Variants in SETBP1 observed in about 807,000 individuals in gnomAD.
SETBP1 encodes the protein SET-binding protein.
In SETBP1, 9 loss-of-function variants were observed where a neutral mutation model predicts 101.0. The observed-to-expected ratio is 0.09, with a 90% CI of 0.05 to 0.16. The LOEUF (loss-of-function observed/expected upper bound fraction) is 0.16, where lower values mean the gene tolerates loss of function less well. SETBP1 is among the 10% of genes least tolerant of loss of function. The pLI is 1.00. For missense variants in SETBP1, 1,858 were observed against 2,033.8 expected (o/e 0.91, Z 1.66); for synonymous variants, 818 against 788.5 (o/e 1.04, Z -0.63).
rs189613701 is a variant in SETBP1, at chr18:44,774,725, A to G, written c.486+72893A>G. 3.8e-3 allele frequency among the ~76,000 whole-genome samples: 582 copies of G among 152,268 alleles called. 3 individuals are homozygous for G. The highest frequency in any genetic ancestry group is 6.5e-3 in the Non-Finnish European group (445 of 68,008). On this transcript the variant is annotated intron_variant, in intron 2 of 5. Coordinates refer to ENST00000649279, the MANE Select transcript of SETBP1 (RefSeq NM_015559.3). ...GAAAATATTCTTCAACCTCAGCCCG[A>G]AAATAGTTATACAGTCTGGAAGGGT...
Position 45,041,958 on chromosome 18 carries a change from AAAAAAAAT to A in SETBP1, c.4171+3310_4171+3317del, listed in dbSNP as rs201330927. The stretch of plus-strand genomic sequence containing the variant: ...GGTGACAAAGCGAAACTCTATCTCA[AAAAAAAAT>A]AAAAAATTTTAAAAAAAAGAGTGGA... On this transcript the variant is annotated intron_variant, in intron 5 of 5. Coordinates refer to ENST00000649279, the MANE Select transcript of SETBP1 (RefSeq NM_015559.3). Among the ~76,000 whole-genome samples the A allele has an allele frequency of 5.0e-3, 758 of 151,814 alleles. 16 individuals carry two copies. The highest frequency in any genetic ancestry group is 0.033 in the Admixed American group (509 of 15,256).
At chr18:44,801,900 T>C (rs1019363968) in intron 2 of SETBP1, among the ~76,000 whole-genome samples, 1 of 152,068 alleles carries the variant, frequency 6.6e-6, no homozygotes, top group African/African-American at 2.4e-5. Context: ...ATTAATGTAT[T>C]TATGGGGAAC....
chr18:44,936,550 C>G (rs975986070), intron 3 of SETBP1, among the ~76,000 whole-genome samples: 3 of 152,116 alleles, frequency 2.0e-5, no homozygotes, highest in Admixed American at 2.0e-4. Flanking sequence ...TTTCCCCTAC[C>G]AGTACACATG....
chr18:45,034,220 C>T (rs2073351264), intron 4 of SETBP1, among the ~76,000 whole-genome samples: 1 of 152,178 alleles, frequency 6.6e-6, no homozygotes, highest in South Asian at 2.1e-4. Context: ...TATTGACTTA[C>T]CCTTAAGGTA....
chr18:44,804,574 T>G (rs2071686856), intron 2 of SETBP1, among the ~76,000 whole-genome samples: 1 of 152,136 alleles, frequency 6.6e-6, no homozygotes, highest in Admixed American at 6.5e-5. Flanking sequence ...AATGGGTACC[T>G]TAAAAAGAAT....
intron 3 of SETBP1, among the ~76,000 whole-genome samples, chr18:44,943,622 C>G (rs906608197): frequency 6.6e-6 from 1 of 152,172 alleles, no homozygotes; most frequent in Non-Finnish European, 1.5e-5. Context: ...ACAAAACTTC[C>G]TAGCTGATGC....
At chr18:44,955,997 T>A (rs1158045083) in intron 4 of SETBP1, among the ~76,000 whole-genome samples, 1 of 152,162 alleles carries the variant, frequency 6.6e-6, no homozygotes. Flanking sequence ...TCCACCTCTG[T>A]CCTTACTGAA....
At chr18:44,810,381 A>G (rs1204971915) in intron 2 of SETBP1, among the ~76,000 whole-genome samples, 3 of 152,222 alleles carry the variant, frequency 2.0e-5, no homozygotes, top group African/African-American at 7.2e-5. Flanking sequence ...AAGGAACACA[A>G]TGAAAAGTGC....
intron 3 of SETBP1, among the ~76,000 whole-genome samples, chr18:44,917,389 C>G (rs984706217): frequency 5.9e-5 from 9 of 152,162 alleles, no homozygotes; most frequent in African/African-American, 2.2e-4. Flanking sequence ...GTTTCCAGCT[C>G]TCTGATCCCA....
chr18:44,842,533 G>T (rs2072637325), intron 2 of SETBP1, among the ~76,000 whole-genome samples: 1 of 152,198 alleles, frequency 6.6e-6, no homozygotes, highest in Non-Finnish European at 1.5e-5. Context: ...TCAATCTGGT[G>T]CCTTCCCCAA....
At chr18:45,034,013 AAC>A (rs1181259931) in intron 4 of SETBP1, among the ~76,000 whole-genome samples, 2 of 152,196 alleles carry the variant, frequency 1.3e-5, no homozygotes, top group East Asian at 3.9e-4. Context: ...TAAACCATGG[AAC>A]AACATACAGC....
chr18:44,908,958 A>G (rs1463957157), intron 3 of SETBP1, among the ~76,000 whole-genome samples: 1 of 152,188 alleles, frequency 6.6e-6, no homozygotes, highest in Non-Finnish European at 1.5e-5. Context: ...TATTTTTGCC[A>G]TATTTATTAA....
chr18:45,001,100 C>T (rs1429098523), intron 4 of SETBP1, among the ~76,000 whole-genome samples: 5 of 152,218 alleles, frequency 3.3e-5, no homozygotes, highest in East Asian at 3.9e-4. Context: ...ATAACTCCTC[C>T]GAATCCAACA....
intron 3 of SETBP1, among the ~76,000 whole-genome samples, chr18:44,890,115 A>G (rs1289730010): frequency 6.6e-6 from 1 of 152,132 alleles, no homozygotes; most frequent in Non-Finnish European, 1.5e-5. Flanking sequence ...TTCAATTTCC[A>G]GGTATACAAT....
intron 2 of SETBP1, among the ~76,000 whole-genome samples, chr18:44,791,802 A>G (rs906011533): frequency 6.6e-6 from 1 of 152,168 alleles, no homozygotes; most frequent in African/African-American, 2.4e-5. Context: ...TAGAATTTCT[A>G]AATAGAATTT....
chr18:44,895,669 A>G (rs1388591421), intron 3 of SETBP1, among the ~76,000 whole-genome samples: 1 of 152,096 alleles, frequency 6.6e-6, no homozygotes, highest in Non-Finnish European at 1.5e-5. Flanking sequence ...TGGTGTTAGG[A>G]TGTAATCTCA....
At chr18:44,883,017 G>T (rs74509249) in intron 3 of SETBP1, among the ~76,000 whole-genome samples, 1 of 152,292 alleles carries the variant, frequency 6.6e-6, no homozygotes, top group East Asian at 1.9e-4. Flanking sequence ...ATATGAAGCA[G>T]TGAATGGAGG....
intron 5 of SETBP1, among the ~76,000 whole-genome samples, chr18:45,052,107 C>A (rs2073732278): frequency 6.6e-6 from 1 of 152,240 alleles, no homozygotes; most frequent in African/African-American, 2.4e-5. Context: ...GTGCCTGGCA[C>A]AAACTGGGCC....
intron 3 of SETBP1, among the ~76,000 whole-genome samples, chr18:44,909,840 GT>G (rs1377114443): frequency 6.6e-6 from 1 of 152,124 alleles, no homozygotes; most frequent in African/African-American, 2.4e-5. Flanking sequence ...ACCCTCTTCT[GT>G]TTCTTGTCTC....
Sources: allele counts gnomAD v4.1 joint callset (sites outside exome capture counted in the v4.1 genomes callset), GRCh38; gene constraint gnomAD v4.1.1; transcripts MANE v1.5; gene names NCBI Gene and HGNC (gene_info 2026-07-23, HGNC 2026-07-21).